PPARGC1A: variants seen among roughly 807,000 people sequenced by gnomAD.
PPARGC1A encodes PPARG coactivator 1 alpha.
In PPARGC1A, 25 loss-of-function variants were observed where a neutral mutation model predicts 88.7. The observed-to-expected ratio is 0.28, with a 90% CI of 0.21 to 0.39. PPARGC1A has a LOEUF of 0.39. Ranked by LOEUF, PPARGC1A falls within the 10% of genes least tolerant of loss-of-function variation. The probability of loss-of-function intolerance (pLI) is 1.00; values close to 1 mark genes in which losing one functional copy is unlikely to be tolerated. For missense variants in PPARGC1A, 880 were observed against 968.7 expected (o/e 0.91, Z 1.22); for synonymous variants, 363 against 355.6 (o/e 1.02, Z -0.24).
At chr4:23,806,836 C>A (rs961977693) in intron 10 of PPARGC1A, among the ~76,000 whole-genome samples, 6 of 152,224 alleles carry the variant, frequency 3.9e-5, no homozygotes, top group Admixed American at 3.9e-4. Flanking sequence ...ATAAACTACT[C>A]CTGATAAAAG....
chr4:24,380,452 T>C, the PPARGC1A span, among the ~76,000 whole-genome samples: 2 of 152,294 alleles, frequency 1.3e-5, no homozygotes, highest in African/African-American at 4.8e-5. Flanking sequence ...ATGGAAGACC[T>C]TGATTACTGT....
chr4:24,039,564 G>T, the PPARGC1A span, among the ~76,000 whole-genome samples: 2 of 152,060 alleles, frequency 1.3e-5, no homozygotes, highest in Non-Finnish European at 2.9e-5. Context: ...GCAAAGGGAG[G>T]TCTCAAAAAG....
chr4:24,085,040 C>A, the PPARGC1A span, among the ~76,000 whole-genome samples: 4 of 152,306 alleles, frequency 2.6e-5, no homozygotes, highest in East Asian at 5.8e-4. Flanking sequence ...TATCTTGATA[C>A]ATATTTCTTT....
intron 7 of PPARGC1A, among the ~76,000 whole-genome samples, chr4:23,815,685 T>G (rs1721853102): frequency 6.6e-6 from 1 of 152,096 alleles, no homozygotes; most frequent in Non-Finnish European, 1.5e-5. Flanking sequence ...AGAACCATTG[T>G]CAAGTGGCTC....
the PPARGC1A span, among the ~76,000 whole-genome samples, chr4:24,409,039 G>A: frequency 0.3 from 45,476 of 152,068 alleles, 7,522 homozygotes; most frequent in Admixed American, 0.39. Context: ...GCTTGCCCAC[G>A]TGCTGCTAAG....
At chr4:24,149,391 T>C in the PPARGC1A span, among the ~76,000 whole-genome samples, 8 of 151,948 alleles carry the variant, frequency 5.3e-5, no homozygotes, top group African/African-American at 1.9e-4. Flanking sequence ...AACTAGCATC[T>C]TCTATGACAA....
the PPARGC1A span, among the ~76,000 whole-genome samples, chr4:24,387,842 G>GAGAGAGAGAGAGAGAA: frequency 8.5e-6 from 1 of 117,534 alleles, no homozygotes; most frequent in Non-Finnish European, 1.8e-5. Flanking sequence ...GAGAGAAAGA[G>GAGAGAGAGAGAGAGAA]AGAGAGAAAG....
chr4:24,106,476 A>G, the PPARGC1A span, among the ~76,000 whole-genome samples: 1 of 152,238 alleles, frequency 6.6e-6, no homozygotes, highest in African/African-American at 2.4e-5. Context: ...GAGCCTCAAC[A>G]GAAAAAGGAA....
chr4:24,232,713 T>C, the PPARGC1A span, among the ~76,000 whole-genome samples: 1 of 152,208 alleles, frequency 6.6e-6, no homozygotes, highest in African/African-American at 2.4e-5. Context: ...GCAGGGAACC[T>C]AGCTTTCAGC....
intron 2 of PPARGC1A, among the ~76,000 whole-genome samples, chr4:23,873,160 T>C (rs557357944): frequency 2.2e-5 from 3 of 136,632 alleles, no homozygotes; most frequent in African/African-American, 8.0e-5. Context: ...ATTGTGCCTC[T>C]GCACTCCAGC....
the PPARGC1A span, among the ~76,000 whole-genome samples, chr4:24,279,741 C>T: frequency 1.3e-5 from 2 of 152,258 alleles, no homozygotes; most frequent in African/African-American, 2.4e-5. Context: ...CTGACTGTCA[C>T]GCTCTCGGCT....
the PPARGC1A span, among the ~76,000 whole-genome samples, chr4:24,446,946 T>C: frequency 6.6e-6 from 1 of 152,154 alleles, no homozygotes; most frequent in Non-Finnish European, 1.5e-5. Context: ...TGCCTTATTT[T>C]ACAAGTTAAA....
At chr4:24,155,116 GGTTTT>G in the PPARGC1A span, among the ~76,000 whole-genome samples, 3 of 141,668 alleles carry the variant, frequency 2.1e-5, no homozygotes, top group African/African-American at 6.1e-5. Flanking sequence ...TTCGAACCTC[GGTTTT>G]GTTTTTTTTT....
At chr4:24,351,059 C>T in the PPARGC1A span, among the ~76,000 whole-genome samples, 3 of 151,868 alleles carry the variant, frequency 2.0e-5, no homozygotes, top group African/African-American at 7.3e-5. Flanking sequence ...GGTGAAACCC[C>T]GTCTCTACCA....
At chr4:23,947,390 TATATATAA>T in the PPARGC1A span, among the ~76,000 whole-genome samples, 72 of 12,094 alleles carry the variant, frequency 6.0e-3, no homozygotes, top group Non-Finnish European at 0.013. Context: ...TATATATATA[TATATATAA>T]AAAAAACGGT....
chr4:23,797,382 G>T (rs564288603), intron 12 of PPARGC1A, among the ~76,000 whole-genome samples: 1 of 152,056 alleles, frequency 6.6e-6, no homozygotes, highest in African/African-American at 2.4e-5. Context: ...CTAGCTCATT[G>T]CTAGAGATTA....
chr4:24,114,744 T>C, the PPARGC1A span, among the ~76,000 whole-genome samples: 2 of 152,202 alleles, frequency 1.3e-5, no homozygotes, highest in African/African-American at 4.8e-5. Flanking sequence ...AAGCACATTA[T>C]TACTGTTTAG....
chr4:23,813,688 A>C lies in PPARGC1A; in HGVS notation c.1793+2T>G. ...TGTTATTAGGGTTTTGCCAAGGTTT[A>C]CCTTGAAGAGGATCTACTGCCTGGA... On this transcript the variant is annotated splice_donor_variant, in intron 8 of 12. Transcript: ENST00000264867. LOFTEE classifies it high-confidence loss of function. The C allele has an allele frequency of 6.4e-7, 1 of 1,562,094 alleles. No individual in the cohort carries two copies. The highest frequency in any genetic ancestry group is 2.2e-5 in the East Asian group (1 of 44,608).
the PPARGC1A span, among the ~76,000 whole-genome samples, chr4:23,913,102 G>A: frequency 6.7e-6 from 1 of 148,892 alleles, no homozygotes; most frequent in Non-Finnish European, 1.5e-5. Flanking sequence ...ACCGCACCTG[G>A]CCACATGAAC....
Sources: gnomAD v4.1 joint callset for allele counts (sites outside exome capture counted in the v4.1 genomes callset) on GRCh38, gnomAD v4.1.1 for gene constraint, MANE v1.5 for transcripts, NCBI Gene and HGNC (gene_info 2026-07-23, HGNC 2026-07-21) for gene names.